Variants in ERC1 observed in about 807,000 individuals in gnomAD.
ERC1 encodes the protein RAB6 interacting protein 2.
Under a neutral mutation model 132.0 loss-of-function variants are expected in ERC1, and 56 were observed. The ratio of observed to expected loss-of-function variants is 0.42; its 90% CI spans 0.34 to 0.53. ERC1 has a LOEUF of 0.53. ERC1 is among the 20% of genes least tolerant of loss of function. The probability of loss-of-function intolerance (pLI) is 0.03; values close to 1 mark genes in which losing one functional copy is unlikely to be tolerated. For synonymous variants in ERC1, 478 were observed against 476.1 expected (o/e 1.00, Z -0.05); for missense variants, 1,202 against 1,349.9 (o/e 0.89, Z 1.72).
At chr12:1,255,695 T>C (rs2076764937) in intron 13 of ERC1, among the ~76,000 whole-genome samples, 1 of 136,716 alleles carries the variant, frequency 7.3e-6, no homozygotes, top group Admixed American at 8.2e-5. Flanking sequence ...TGCAGTGGCG[T>C]GATCTCGGCT....
chr12:1,336,360 T>C (rs2083311842), intron 15 of ERC1, among the ~76,000 whole-genome samples: 1 of 152,174 alleles, frequency 6.6e-6, no homozygotes, highest in Non-Finnish European at 1.5e-5. Flanking sequence ...TATTGAGATC[T>C]TTCTAACTCT....
chr12:1,049,584 T>C (rs1257347796), intron 2 of ERC1, among the ~76,000 whole-genome samples: 1 of 152,086 alleles, frequency 6.6e-6, no homozygotes, highest in African/African-American at 2.4e-5. Flanking sequence ...GTTGGTAGTG[T>C]GAACTGAAAT....
intron 18 of ERC1, among the ~76,000 whole-genome samples, chr12:1,475,645 TCCCATGCCAAA>T (rs1565512003): frequency 6.6e-6 from 1 of 152,132 alleles, no homozygotes; most frequent in Non-Finnish European, 1.5e-5. Context: ...AAGCAGTAGC[TCCCATGCCAAA>T]AAGCTTAGTC....
At chr12:1,250,611 A>G (rs553123355) in intron 13 of ERC1, among the ~76,000 whole-genome samples, 16 of 152,302 alleles carry the variant, frequency 1.1e-4, no homozygotes, top group African/African-American at 3.6e-4. Flanking sequence ...TCAGCATCCT[A>G]ATAAATATTC....
At chr12:1,108,110 G>A (rs530871079) in intron 4 of ERC1, among the ~76,000 whole-genome samples, 3 of 152,160 alleles carry the variant, frequency 2.0e-5, no homozygotes, top group African/African-American at 7.2e-5. Flanking sequence ...AGAGTATCAG[G>A]CCTTAATTTT....
chr12:1,382,902 T>C (rs2088857631), intron 16 of ERC1, among the ~76,000 whole-genome samples: 2 of 152,224 alleles, frequency 1.3e-5, no homozygotes, highest in African/African-American at 4.8e-5. Flanking sequence ...CATATTTTGA[T>C]GAATTCTGCT....
intron 13 of ERC1, among the ~76,000 whole-genome samples, chr12:1,238,331 G>C (rs555438776): frequency 6.6e-6 from 1 of 151,898 alleles, no homozygotes; most frequent in Admixed American, 6.5e-5. Context: ...TCCTCCCATG[G>C]ATTTTTTGCT....
At chr12:1,425,267 G>A (rs1198317882) in intron 17 of ERC1, among the ~76,000 whole-genome samples, 2 of 152,190 alleles carry the variant, frequency 1.3e-5, no homozygotes, top group East Asian at 3.9e-4. Flanking sequence ...GGCAGTGAGA[G>A]CACTTTTTAG....
chr12:1,374,811 AGGACAGGCTGGGATTT>A (rs1381908103), intron 16 of ERC1, among the ~76,000 whole-genome samples: 7 of 145,284 alleles, frequency 4.8e-5, no homozygotes, highest in Non-Finnish European at 7.5e-5. Context: ...TGGGCTTTTC[AGGACAGGCTGGGATTT>A]TTTTTTTTTT....
chr12:1,485,920 T>G (rs1411345735), intron 18 of ERC1, among the ~76,000 whole-genome samples: 1 of 152,250 alleles, frequency 6.6e-6, no homozygotes. Context: ...CAGCATAGGT[T>G]TTAAATATAC....
intron 3 of ERC1, among the ~76,000 whole-genome samples, chr12:1,084,931 G>A (rs1170473245): frequency 6.6e-6 from 1 of 152,146 alleles, no homozygotes; most frequent in Non-Finnish European, 1.5e-5. Context: ...TGAACTCCTG[G>A]CCTCAAGCAA....
At chr12:1,366,904 A>C (rs2086712661) in intron 15 of ERC1, among the ~76,000 whole-genome samples, 1 of 152,204 alleles carries the variant, frequency 6.6e-6, no homozygotes, top group African/African-American at 2.4e-5. Flanking sequence ...TACCTAAATA[A>C]ACATGACCTG....
intron 17 of ERC1, 21 bp from the exon 18 acceptor site, chr12:1,444,541 T>C (rs768774342): frequency 6.5e-7 from 1 of 1,527,718 alleles, no homozygotes; most frequent in Non-Finnish European, 8.9e-7. Context: ...TATTTTATTT[T>C]ATTTTATTTT....
Position 1,039,354 on chromosome 12 carries a change from A to T in ERC1, c.669+10782A>T, listed in dbSNP as rs1035110231. 2.2e-3 allele frequency among the ~76,000 whole-genome samples: 293 copies of T among 132,762 alleles called. 1 individual carries two copies. Among genetic ancestry groups the T allele is most frequent in the African/African-American group, 8.2e-3 (254 of 31,092 alleles). 87.1% of individuals were successfully genotyped at this position (132,762 alleles called of 152,430 possible). A position where few individuals can be genotyped will look rare whatever the true frequency, so the allele number is the denominator to read the frequency against. ...CGTTGTCTCAAAAAAAAAAAAAAAT[A>T]AAAATAAATAAATAAATAAATAAAA... On this transcript the variant is annotated intron_variant, in intron 2 of 18. Transcript: ENST00000360905.
intron 12 of ERC1, among the ~76,000 whole-genome samples, chr12:1,192,439 A>G (rs1305026607): frequency 2.0e-5 from 3 of 152,036 alleles, no homozygotes; most frequent in Non-Finnish European, 4.4e-5. Context: ...TTTGCTTCCT[A>G]TGTTGCCATT....
intron 8 of ERC1, among the ~76,000 whole-genome samples, chr12:1,180,293 G>C (rs889836426): frequency 1.6e-5 from 2 of 127,336 alleles, no homozygotes; most frequent in African/African-American, 1.0e-4. Context: ...GCGCGCACGC[G>C]TGTGCGCGCG....
intron 7 of ERC1, among the ~76,000 whole-genome samples, chr12:1,129,388 G>C (rs1948535180): frequency 6.6e-6 from 1 of 152,124 alleles, no homozygotes; most frequent in Non-Finnish European, 1.5e-5. Context: ...ACCAGGTGTG[G>C]TGTGTACATG....
At chr12:1,430,470 CG>C (rs2092761305) in intron 17 of ERC1, 1 of 152,176 alleles carries the variant, frequency 6.6e-6, no homozygotes. Context: ...CTCTGCCTCC[CG>C]GGTTCAAGCG....
intron 15 of ERC1, among the ~76,000 whole-genome samples, chr12:1,295,749 A>G (rs2079871697): frequency 6.6e-6 from 1 of 152,122 alleles, no homozygotes; most frequent in Admixed American, 6.5e-5. Flanking sequence ...CCTGGGAAAT[A>G]TCCTGAGCTT....
Sources: allele counts gnomAD v4.1 joint callset (sites outside exome capture counted in the v4.1 genomes callset), GRCh38; gene constraint gnomAD v4.1.1; transcripts MANE v1.5; gene names NCBI Gene and HGNC (gene_info 2026-07-23, HGNC 2026-07-21).